The following APOL5 variants were observed in gnomAD, a reference collection of about 807,000 sequenced individuals.
APOL5 encodes the protein apolipoprotein L, 5.
In APOL5, 29 loss-of-function variants were observed where a neutral mutation model predicts 35.5. The observed-to-expected ratio is 0.82, with a 90% CI of 0.61 to 1.11. The LOEUF (loss-of-function observed/expected upper bound fraction) is 1.11. APOL5 is among the 50% of genes most tolerant of loss of function. The pLI is 0.00. For missense variants in APOL5, 514 were observed against 530.4 expected (o/e 0.97, Z 0.30); for synonymous variants, 188 against 200.2 (o/e 0.94, Z 0.51).
At chr22:35,719,731 C>G (rs966660914) in intron 1 of APOL5, among the ~76,000 whole-genome samples, 1 of 82,964 alleles carries the variant, frequency 1.2e-5, no homozygotes, top group African/African-American at 5.8e-5. Flanking sequence ...GCAGCCCCAT[C>G]TAGGGTTGAG....
At chr22:35,720,726 C>T in intron 2 of APOL5, 72 bp downstream of exon 2, 8 of 1,102,064 alleles carry the variant, frequency 7.3e-6, no homozygotes, top group Non-Finnish European at 1.1e-5. Flanking sequence ...TGTCACAGAC[C>T]CAGCACTCAA....
chr22:35,722,612 C>A (rs1927010822), intron 2 of APOL5, among the ~76,000 whole-genome samples: 1 of 152,046 alleles, frequency 6.6e-6, no homozygotes, highest in Non-Finnish European at 1.5e-5. Context: ...TAGGTTCTTA[C>A]CCTAACTCCA....
At chr22:35,713,647 C>A (rs1044384752), upstream of APOL5, among the ~76,000 whole-genome samples, 1 of 152,208 alleles carries the variant, frequency 6.6e-6, no homozygotes, top group African/African-American at 2.4e-5. Flanking sequence ...TGCCTCTCTT[C>A]CGGCCTAGGA....
chr22:35,723,181 G>C (rs577707278), intron 2 of APOL5, among the ~76,000 whole-genome samples: 1 of 152,236 alleles, frequency 6.6e-6, no homozygotes, highest in African/African-American at 2.4e-5. Flanking sequence ...GGGTTCCTTG[G>C]TCCAAGTACA....
At chr22:35,726,145 A>T in intron 2 of APOL5, 66 bp from the exon 3 acceptor site, 1 of 1,542,832 alleles carries the variant, frequency 6.5e-7, no homozygotes. Flanking sequence ...TCGACATTGT[A>T]CCTCGATTCT....
At chr22:35,710,227 C>T in the APOL5 span, among the ~76,000 whole-genome samples, 23 of 142,388 alleles carry the variant, frequency 1.6e-4, no homozygotes, top group African/African-American at 5.3e-4. Flanking sequence ...GGCTCTCAAA[C>T]GATCCTCCTG....
At chr22:35,709,066 T>A in the APOL5 span, among the ~76,000 whole-genome samples, 1 of 152,222 alleles carries the variant, frequency 6.6e-6, no homozygotes, top group African/African-American at 2.4e-5. Flanking sequence ...CATTAAATGA[T>A]ATGTCAGTCA....
chr22:35,728,300 T>C (rs933869081), intron 3 of APOL5, among the ~76,000 whole-genome samples: 1 of 152,204 alleles, frequency 6.6e-6, no homozygotes, highest in African/African-American at 2.4e-5. Flanking sequence ...CTTGGCTCAC[T>C]GCAAGCTCCG....
chr22:35,722,453 C>T (rs1363401848), intron 2 of APOL5, among the ~76,000 whole-genome samples: 1 of 152,164 alleles, frequency 6.6e-6, no homozygotes, highest in African/African-American at 2.4e-5. Context: ...CAGGTGCCCG[C>T]CACCACACCT....
upstream of APOL5, among the ~76,000 whole-genome samples, chr22:35,714,021 ATCTG>A (rs1196527702): frequency 6.6e-6 from 1 of 152,082 alleles, no homozygotes; most frequent in Non-Finnish European, 1.5e-5. Flanking sequence ...AGAATACAAC[ATCTG>A]TGTTGGCCGG....
intron 2 of APOL5, among the ~76,000 whole-genome samples, chr22:35,722,497 C>T (rs1927006375): frequency 1.3e-5 from 2 of 152,198 alleles, no homozygotes; most frequent in South Asian, 4.1e-4. Context: ...GACAGGGTTT[C>T]ACCACGTTGG....
chr22:35,709,914 T>A, the APOL5 span, among the ~76,000 whole-genome samples: 1 of 152,054 alleles, frequency 6.6e-6, no homozygotes, highest in Non-Finnish European at 1.5e-5. Flanking sequence ...TACCTTGCCA[T>A]GTTTCCTCTG....
chr22:35,728,832 C>G lies in APOL5; in HGVS notation c.1236C>G (p.Gly412=), dbSNP rs201193967. ...KRTVSAPRML[G]HQPAPPAPAR... ...CAGTCTCTGCCCCAAGGATGCTTGG[C>G]CACCAGCCAGCCCCACCAGCACCAG... Residue 412 remains glycine (G), a synonymous_variant, in exon 4 of 5, where the codon GGC becomes GGG. Coordinates refer to ENST00000249044, the MANE Select transcript of APOL5 (RefSeq NM_030642.1). 1.2e-6 allele frequency: 2 copies of G among 1,612,166 alleles called. No homozygotes were observed. The highest frequency in any genetic ancestry group is 1.7e-6 in the Non-Finnish European group (2 of 1,179,208).
intron 2 of APOL5, among the ~76,000 whole-genome samples, chr22:35,724,890 C>T (rs1473143676): frequency 6.6e-6 from 1 of 152,188 alleles, no homozygotes; most frequent in African/African-American, 2.4e-5. Flanking sequence ...AGATTACAGG[C>T]GTGAGCCACC....
chr22:35,712,033 G>T, the APOL5 span, among the ~76,000 whole-genome samples: 2 of 149,888 alleles, frequency 1.3e-5, no homozygotes, highest in Non-Finnish European at 3.0e-5. Flanking sequence ...TTGAGACAGG[G>T]TCTCACTCTG....
chr22:35,728,885 G>C lies in APOL5; in HGVS notation c.1289G>C (p.Arg430Thr). Reference protein sequence around the residue: ...PARKGRQAPGRHRQ With the variant: ...PARKGRQAPGTHRQ Reference sequence around the variant, plus strand: ...AGAAAGGGGAGACAGGCCCCGGGAAGACACCGACAATGAGAAGAGGTAAGT... The same window carrying C: ...AGAAAGGGGAGACAGGCCCCGGGAACACACCGACAATGAGAAGAGGTAAGT... Residue 430 changes from arginine to threonine, a missense_variant, in exon 4 of 5, where the codon AGA (arginine) becomes ACA (threonine). Physicochemically the swap from Arg to Thr is moderately conservative, Grantham distance 71. Around this residue, in one of 3 missense-constraint regions of APOL5, gnomAD observed 238 missense variants for 229.1 expected, o/e 1.04. Transcript: ENST00000249044. 6.2e-7 allele frequency: 1 copy of C among 1,603,340 alleles called. No individual in the cohort carries two copies. The highest frequency in any genetic ancestry group is 8.5e-7 in the Non-Finnish European group (1 of 1,175,436).
chr22:35,722,364 G>A (rs112031501), intron 2 of APOL5, among the ~76,000 whole-genome samples: 3 of 152,126 alleles, frequency 2.0e-5, no homozygotes, highest in Admixed American at 6.5e-5. Context: ...GTGCAGTGGC[G>A]CGATCTCGGC....
the APOL5 span, among the ~76,000 whole-genome samples, chr22:35,712,579 C>T: frequency 5.3e-5 from 8 of 152,138 alleles, no homozygotes; most frequent in Non-Finnish European, 8.8e-5. Context: ...TTTTCACATG[C>T]TTATTGGCAC....
intron 2 of APOL5, among the ~76,000 whole-genome samples, chr22:35,723,537 A>AT (rs1927044814): frequency 6.6e-6 from 1 of 152,156 alleles, no homozygotes; most frequent in Admixed American, 6.5e-5. Context: ...AGTGGAGAGG[A>AT]TTTTCCCAGT....
Sources: allele counts gnomAD v4.1 joint callset (sites outside exome capture counted in the v4.1 genomes callset), GRCh38; gene constraint gnomAD v4.1.1; regional missense constraint gnomAD v4.1.1; transcripts MANE v1.5; gene names NCBI Gene and HGNC (gene_info 2026-07-23, HGNC 2026-07-21).